RIMBP2: variants seen among roughly 807,000 people sequenced by gnomAD.
RIMBP2 encodes RIMS-binding protein 2.
In RIMBP2, 48 loss-of-function variants were observed where a neutral mutation model predicts 118.6. The ratio of observed to expected loss-of-function variants is 0.40; its 90% CI spans 0.32 to 0.51. RIMBP2 has a LOEUF of 0.51. RIMBP2 is among the 20% of genes least tolerant of loss of function. The probability of loss-of-function intolerance (pLI) is 0.41; values close to 1 mark genes in which losing one functional copy is unlikely to be tolerated. For synonymous variants in RIMBP2, 762 were observed against 742.9 expected, an observed-to-expected ratio of 1.03 and a Z score of -0.42; for missense variants, 1,551 against 1,768.3, an observed-to-expected ratio of 0.88 and a Z score of 2.20.
rs764656315 is a variant in RIMBP2, at chr12:130,622,795, C to T, written c.-217+5527G>A. Among the ~76,000 whole-genome samples the T allele has an allele frequency of 1.8e-4, 27 of 152,330 alleles. No homozygotes were observed. The highest frequency in any genetic ancestry group is 3.1e-4 in the Non-Finnish European group (21 of 68,024). ...AATGCCTCCACTAGGCTGATAGTCGCAAAATTCTCCACAAAAGGCATAGAA... is the reference window on the plus strand; with the variant it reads ...AATGCCTCCACTAGGCTGATAGTCGTAAAATTCTCCACAAAAGGCATAGAA... On this transcript the variant is annotated intron_variant, in intron 2 of 22. Coordinates refer to ENST00000690449, the MANE Select transcript of RIMBP2 (RefSeq NM_001393629.1). The surrounding 1 kb of genome is among the most constrained non-coding windows in gnomAD (Gnocchi z 8.5).
chr12:130,554,607 T>G (rs1008528370), intron 2 of RIMBP2, among the ~76,000 whole-genome samples: 16 of 152,288 alleles, frequency 1.1e-4, no homozygotes, highest in Non-Finnish European at 2.2e-4. Flanking sequence ...CTCCTAAATG[T>G]TTATTTAACA....
At chr12:130,674,334 G>A (rs910590120) in intron 1 of RIMBP2, among the ~76,000 whole-genome samples, 15 of 152,110 alleles carry the variant, frequency 9.9e-5, no homozygotes, top group South Asian at 2.1e-4. Context: ...AGCCAATTAC[G>A]CCTCTTTTCT....
At position 130,447,654 on chromosome 12, in the gene RIMBP2, T is replaced by G. The variant is rs910722594; in HGVS notation, c.582-2385A>C. ...GTGGCCCTGGGCGGCACACTGCAAG[T>G]GGGTGAACTGTGCAGTGAGGACCAT... On this transcript the variant is annotated intron_variant, in intron 9 of 22. Transcript: ENST00000690449. The surrounding 1 kb of genome is among the most constrained non-coding windows in gnomAD (Gnocchi z 4.4). 7.2e-5 allele frequency among the ~76,000 whole-genome samples: 11 copies of G among 152,052 alleles called. No individual in the cohort carries two copies. The highest frequency in any genetic ancestry group is 2.4e-4 in the African/African-American group (10 of 41,386).
intron 1 of RIMBP2, among the ~76,000 whole-genome samples, chr12:130,635,606 G>A (rs959801752): frequency 9.9e-5 from 15 of 152,102 alleles, no homozygotes; most frequent in African/African-American, 3.1e-4. Flanking sequence ...GGAGAAGCTC[G>A]AGGGGATACT....
At chr12:130,459,438 G>A (rs918948051) in intron 6 of RIMBP2, among the ~76,000 whole-genome samples, 3 of 152,022 alleles carry the variant, frequency 2.0e-5, no homozygotes, top group Non-Finnish European at 2.9e-5. Flanking sequence ...GAGGGGCCAC[G>A]GGAACTCCCC....
chr12:130,473,585 G>A (rs1479099785), intron 5 of RIMBP2, among the ~76,000 whole-genome samples: 2 of 150,320 alleles, frequency 1.3e-5, no homozygotes, highest in African/African-American at 2.4e-5. Context: ...ATGGAGCAGA[G>A]TGAGGGAGGG....
At position 130,558,345 on chromosome 12, in the gene RIMBP2, C is replaced by A. The variant is rs951727017; in HGVS notation, c.-216-40428G>T. 8.5e-5 allele frequency among the ~76,000 whole-genome samples: 13 copies of A among 152,190 alleles called. No individual in the cohort carries two copies. The East Asian group carries it at 2.5e-3, about 29-fold the overall frequency. ...TATGATCATTTTGGACATATGGGAT[C>A]ATAATATTTTATGATCACCAACAGA... On this transcript the variant is annotated intron_variant, in intron 2 of 22. Transcript: ENST00000690449.
In RIMBP2 at chr12:130,508,384, C is replaced by T. The variant is rs531269389; in HGVS notation, c.-126-1614G>A. 2.1e-3 allele frequency among the ~76,000 whole-genome samples: 314 copies of T among 151,976 alleles called. 1 individual carries two copies. The highest frequency in any genetic ancestry group is 7.3e-3 in the African/African-American group (304 of 41,446). On this transcript the variant is annotated intron_variant, in intron 3 of 22. Transcript: ENST00000690449. Reference sequence around the variant, plus strand: ...GTCTAAAAGTCCTACCCACCTGCTACCCTGTTGCCACTATGCTGGGGACAC... The same window carrying T: ...GTCTAAAAGTCCTACCCACCTGCTATCCTGTTGCCACTATGCTGGGGACAC...
intron 1 of RIMBP2, among the ~76,000 whole-genome samples, chr12:130,677,286 A>G (rs1467507997): frequency 6.6e-6 from 1 of 152,180 alleles, no homozygotes; most frequent in East Asian, 1.9e-4. Context: ...CACACAAGTG[A>G]CAAGTCACGT....
chr12:130,645,430 G>T (rs764701088), intron 1 of RIMBP2, among the ~76,000 whole-genome samples: 1 of 152,186 alleles, frequency 6.6e-6, no homozygotes, highest in Non-Finnish European at 1.5e-5. Context: ...CTCCCTCCAG[G>T]CCCCTGAAGT....
chr12:130,479,348 C>CT (rs2081744227), intron 4 of RIMBP2, among the ~76,000 whole-genome samples: 1 of 152,214 alleles, frequency 6.6e-6, no homozygotes, highest in African/African-American at 2.4e-5. Context: ...CCTCCTGTGC[C>CT]TTTTTTGCCC....
chr12:130,402,111 A>T (rs1187756501), intron 21 of RIMBP2, among the ~76,000 whole-genome samples: 1 of 151,900 alleles, frequency 6.6e-6, no homozygotes, highest in Non-Finnish European at 1.5e-5. Context: ...GTACCATGTC[A>T]CTCCCTTCCC....
intron 4 of RIMBP2, among the ~76,000 whole-genome samples, chr12:130,484,231 C>A (rs1176582336): frequency 2.0e-5 from 3 of 152,158 alleles, no homozygotes; most frequent in African/African-American, 4.8e-5. Context: ...CACCTGACTG[C>A]CTCTTGCCTC....
At chr12:130,402,170 C>A (rs978549552) in intron 21 of RIMBP2, among the ~76,000 whole-genome samples, 1 of 152,170 alleles carries the variant, frequency 6.6e-6, no homozygotes, top group African/African-American at 2.4e-5. Context: ...AAAGTGACGA[C>A]GGGACTTGCT....
chr12:130,700,639 G>T (rs1321791862), intron 1 of RIMBP2, among the ~76,000 whole-genome samples: 1 of 152,212 alleles, frequency 6.6e-6, no homozygotes, highest in Non-Finnish European at 1.5e-5. Context: ...ACTGGAAGAG[G>T]CAGGAAAGAT....
intron 4 of RIMBP2, among the ~76,000 whole-genome samples, chr12:130,484,483 A>C (rs748011700): frequency 2.0e-5 from 3 of 151,986 alleles, no homozygotes; most frequent in African/African-American, 7.3e-5. Context: ...TTTCCTCCTG[A>C]GCATCCTCAT....
At position 130,511,474 on chromosome 12, in the gene RIMBP2, C is replaced by T. The variant is rs77612282; in HGVS notation, c.-126-4704G>A. Among the ~76,000 whole-genome samples, 2,931 of 152,296 alleles carry T rather than the reference C, an allele frequency of 0.019. 41 individuals are homozygous for T. Among genetic ancestry groups the T allele is most frequent in the Middle Eastern group, 0.065 (19 of 294 alleles). Reference sequence around the variant, plus strand: ...GCATCTGTCCCTGGAAAGCCCTAAGCCCCAGTGAGCTGGGTCCCACCCCTC... The same window carrying T: ...GCATCTGTCCCTGGAAAGCCCTAAGTCCCAGTGAGCTGGGTCCCACCCCTC... On this transcript the variant is annotated intron_variant, in intron 3 of 22. Coordinates refer to ENST00000690449, the MANE Select transcript of RIMBP2 (RefSeq NM_001393629.1). This position sits in a 1 kb window ranked among gnomAD's most constrained non-coding sequence, Gnocchi z 4.3.
chr12:130,435,385 T>C lies in RIMBP2; in HGVS notation c.2107-505A>G, dbSNP rs150629947. 3.4e-3 allele frequency among the ~76,000 whole-genome samples: 521 copies of C among 152,324 alleles called. 5 individuals are homozygous for C. Among genetic ancestry groups the C allele is most frequent in the African/African-American group, 0.012 (497 of 41,576 alleles). ...GGTAACATTTGGATACACAGATGACTCCTCATTCCCTCCATTGGTCTCCTC... is the reference window on the plus strand; with the variant it reads ...GGTAACATTTGGATACACAGATGACCCCTCATTCCCTCCATTGGTCTCCTC... On this transcript the variant is annotated intron_variant, in intron 13 of 22. Coordinates refer to ENST00000690449, the MANE Select transcript of RIMBP2 (RefSeq NM_001393629.1).
intron 2 of RIMBP2, among the ~76,000 whole-genome samples, chr12:130,556,715 A>T (rs2056390386): frequency 6.6e-6 from 1 of 152,204 alleles, no homozygotes. Flanking sequence ...TCCCAACTCA[A>T]GATGGTGCCA....
Sources: gnomAD v4.1 joint callset for allele counts (sites outside exome capture counted in the v4.1 genomes callset) on GRCh38, gnomAD v4.1.1 for gene constraint, Gnocchi (gnomAD v3.1) non-coding constraint, MANE v1.5 for transcripts, NCBI Gene and HGNC (gene_info 2026-07-23, HGNC 2026-07-21) for gene names.